CNTNAP3: variants seen among roughly 807,000 people sequenced by gnomAD.
CNTNAP3 encodes contactin-associated protein-like 3.
Under a neutral mutation model 92.1 loss-of-function variants are expected in CNTNAP3, and 36 were observed. That is an observed-to-expected ratio of 0.39 (90% CI 0.30 to 0.52). The LOEUF is 0.52. Ranked by LOEUF, CNTNAP3 falls within the 20% of genes least tolerant of loss-of-function variation. The pLI is 0.76. For synonymous variants in CNTNAP3, 232 were observed against 422.3 expected (o/e 0.55, Z 5.53); for missense variants, 534 against 1,069.6 (o/e 0.50, Z 6.98).
chr9:39,100,752 A>C lies in CNTNAP3; in HGVS notation c.2756-602T>G, dbSNP rs1826438063. On this transcript the variant is annotated intron_variant, in intron 17 of 23. Coordinates refer to ENST00000297668, the MANE Select transcript of CNTNAP3 (RefSeq NM_033655.5). The stretch of plus-strand genomic sequence containing the variant: ...GTGCTAAACAGTAATTGAATACTGC[A>C]TGCATGCACATTTTGTCATGTCAAA... Among the ~76,000 whole-genome samples, 3 of 151,858 alleles carry C rather than the reference A, an allele frequency of 2.0e-5. No individual in the cohort carries two copies. The South Asian group carries it at 6.3e-4, about 32-fold the overall frequency.
rs573779957 is a variant in CNTNAP3 at position 39,087,737 on chromosome 9, T to C, written c.3220+686A>G. ...TCCTGACCTCGTGATCCGCCTGCCT[T>C]GGCCTCCCAAAGTGCTGCGATTACA... On this transcript the variant is annotated intron_variant, in intron 19 of 23. Coordinates refer to ENST00000297668, the MANE Select transcript of CNTNAP3 (RefSeq NM_033655.5). Among the ~76,000 whole-genome samples, 742 of 152,232 alleles carry C rather than the reference T, an allele frequency of 4.9e-3. 13 individuals carry two copies. Among genetic ancestry groups the C allele is most frequent in the African/African-American group, 0.017 (704 of 41,550 alleles).
At chr9:39,134,657 A>G (rs1196270144) in intron 12 of CNTNAP3, among the ~76,000 whole-genome samples, 1 of 152,132 alleles carries the variant, frequency 6.6e-6, no homozygotes, top group African/African-American at 2.4e-5. Context: ...TGAACTCCCA[A>G]CCTCAGGTGA....
intron 12 of CNTNAP3, among the ~76,000 whole-genome samples, chr9:39,137,295 C>G (rs1471760772): frequency 1.3e-5 from 2 of 151,696 alleles, no homozygotes; most frequent in South Asian, 2.1e-4. Context: ...CTAATAAGCC[C>G]ATCAAAGGCA....
intron 12 of CNTNAP3, among the ~76,000 whole-genome samples, 199 bp downstream of exon 12, chr9:39,140,320 C>T (rs561466850): frequency 6.6e-6 from 1 of 152,154 alleles, no homozygotes; most frequent in South Asian, 2.1e-4. Context: ...TGGCAGAGCA[C>T]TGAATCTTTC....
intron 14 of CNTNAP3, among the ~76,000 whole-genome samples, chr9:39,114,059 T>C (rs183873010): frequency 0.019 from 2,675 of 141,354 alleles, 51 homozygotes; most frequent in East Asian, 0.1. Context: ...CACACACATA[T>C]ATATATATAC....
chr9:39,087,146 A>G (rs1826078645), intron 19 of CNTNAP3, among the ~76,000 whole-genome samples: 1 of 152,158 alleles, frequency 6.6e-6, no homozygotes, highest in Admixed American at 6.5e-5. Flanking sequence ...TATGCATATG[A>G]GCTTGGAACT....
At chr9:39,113,053 G>C (rs1308353084) in intron 14 of CNTNAP3, among the ~76,000 whole-genome samples, 1 of 151,976 alleles carries the variant, frequency 6.6e-6, no homozygotes, top group Non-Finnish European at 1.5e-5. Context: ...TGATATTTTG[G>C]GCTAATTTTT....
intron 23 of CNTNAP3, among the ~76,000 whole-genome samples, chr9:39,076,785 G>A (rs1825780913): frequency 6.6e-6 from 1 of 152,292 alleles, no homozygotes; most frequent in Non-Finnish European, 1.5e-5. Flanking sequence ...TGGCTAACAC[G>A]GTGAAACCCC....
At chr9:39,142,069 A>AT (rs1821590157) in intron 11 of CNTNAP3, among the ~76,000 whole-genome samples, 1 of 152,190 alleles carries the variant, frequency 6.6e-6, no homozygotes, top group Non-Finnish European at 1.5e-5. Context: ...GACACTTGAA[A>AT]TACTTTTTCA....
intron 13 of CNTNAP3, among the ~76,000 whole-genome samples, chr9:39,121,817 G>A (rs930188442): frequency 1.3e-5 from 2 of 152,126 alleles, no homozygotes; most frequent in African/African-American, 4.8e-5. Context: ...CATAAGGGGA[G>A]GGAAGGAGAA....
At chr9:39,081,222 G>GT (rs1442821622) in intron 21 of CNTNAP3, among the ~76,000 whole-genome samples, 1 of 150,612 alleles carries the variant, frequency 6.6e-6, no homozygotes, top group Non-Finnish European at 1.5e-5. Flanking sequence ...ACTATTTATT[G>GT]TTTATCAGTT....
chr9:39,115,143 G>C (rs1177322166), intron 14 of CNTNAP3, among the ~76,000 whole-genome samples: 1 of 151,676 alleles, frequency 6.6e-6, no homozygotes, highest in Non-Finnish European at 1.5e-5. Context: ...GCTGATTACA[G>C]GGACAACTTA....
intron 2 of CNTNAP3, among the ~76,000 whole-genome samples, chr9:39,260,650 G>A (rs145673845): frequency 0.076 from 1,575 of 20,594 alleles, 643 homozygotes; most frequent in African/African-American, 0.16. Context: ...GTGAACCTGG[G>A]AGGTGGCGCT....
Position 39,078,431 on chromosome 9 carries a change from T to A in CNTNAP3, c.3699A>T (p.Gly1233=). 1.2e-6 allele frequency: 2 copies of A among 1,612,128 alleles called. No homozygotes were observed. Among genetic ancestry groups the A allele is most frequent in the African/African-American group, 2.7e-5 (2 of 75,010 alleles). The change falls in exon 23 of 24, where the codon GGA becomes GGT. Residue 1233 remains glycine (G), a synonymous_variant. Coordinates refer to ENST00000297668, the MANE Select transcript of CNTNAP3 (RefSeq NM_033655.5). ...TTCTGTCTGCATTAACCAAGGGCTC[T>A]CCCTCATCCGCTGGTCCAGAACGAC... ...GAGRSGPADE[G]EPLVNADRRD... is the part of the protein sequence containing the mutation.
rs1465321059 is a variant in CNTNAP3, at chr9:39,067,345, T to A, written c.*6545A>T. 1.3e-5 allele frequency among the ~76,000 whole-genome samples: 2 copies of A among 152,312 alleles called. No homozygotes were observed. Among genetic ancestry groups the A allele is most frequent in the African/African-American group, 4.8e-5 (2 of 41,488 alleles). On this transcript the variant is annotated 3_prime_UTR_variant, in exon 24 of 24. Transcript: ENST00000297668. ...TTATAGGTCCTATTTTTCTGCCTCT[T>A]CACACACTTGGTAATTTTTTATTGT... is the stretch of plus-strand genomic sequence containing the variant.
intron 13 of CNTNAP3, among the ~76,000 whole-genome samples, chr9:39,124,828 G>A (rs1471574120): frequency 6.6e-6 from 1 of 152,196 alleles, no homozygotes; most frequent in Non-Finnish European, 1.5e-5. Flanking sequence ...ACACCAGTTA[G>A]AATGATGATC....
At chr9:39,148,833 A>C (rs1171265504) in intron 10 of CNTNAP3, among the ~76,000 whole-genome samples, 1 of 152,076 alleles carries the variant, frequency 6.6e-6, no homozygotes, top group African/African-American at 2.4e-5. Flanking sequence ...CCAGATTATC[A>C]CTTTTTAATT....
Position 39,067,177 on chromosome 9 carries a change from T to C in CNTNAP3, c.*6713A>G, listed in dbSNP as rs1825527401. Among the ~76,000 whole-genome samples the C allele has an allele frequency of 6.6e-6, 1 of 152,308 alleles. No homozygotes were observed. Among genetic ancestry groups the C allele is most frequent in the Non-Finnish European group, 1.5e-5 (1 of 68,058 alleles). On this transcript the variant is annotated 3_prime_UTR_variant, in exon 24 of 24. Transcript: ENST00000297668. ...TATTTTTTAATCTTATACATTAACA[T>C]TGTCATCTCTCGAAGTTTAATTAAA...
At position 39,066,069 on chromosome 9, in the gene CNTNAP3, A is replaced by G. The variant is rs1272797669; in HGVS notation, c.*7821T>C. Among the ~76,000 whole-genome samples, 6 of 152,356 alleles carry G rather than the reference A, an allele frequency of 3.9e-5. No individual in the cohort carries two copies. The East Asian group carries it at 1.2e-3, about 29-fold the overall frequency. On this transcript the variant is annotated 3_prime_UTR_variant, in exon 24 of 24. Transcript: ENST00000297668. ...CTTTTTTGTCTACTTTCAAGCATTTAAAAATTTATTCTATTTCATCGCTGC... is the reference window on the plus strand; with the variant it reads ...CTTTTTTGTCTACTTTCAAGCATTTGAAAATTTATTCTATTTCATCGCTGC...
Sources: gnomAD v4.1 joint callset for allele counts (sites outside exome capture counted in the v4.1 genomes callset) on GRCh38, gnomAD v4.1.1 for gene constraint, MANE v1.5 for transcripts, NCBI Gene and HGNC (gene_info 2026-07-23, HGNC 2026-07-21) for gene names.